The following BDP1 variants were observed in gnomAD, a reference collection of about 807,000 sequenced individuals.
BDP1 encodes the protein transcription factor TFIIIB component B'' homolog.
BDP1 carries 169 observed loss-of-function variants against 266.6 expected under a neutral mutation model. The observed-to-expected ratio is 0.63, with a 90% confidence interval of 0.56 to 0.72. The LOEUF is 0.72. Ranked by LOEUF, BDP1 falls within the 30% of genes least tolerant of loss-of-function variation. The pLI is 0.00. For synonymous variants in BDP1, 1,090 were observed against 1,022.4 expected (o/e 1.07, Z -1.26); for missense variants, 3,015 against 3,053.8 (o/e 0.99, Z 0.30).
At chr5:71,528,916 G>A (rs2150528087) in intron 25 of BDP1, among the ~76,000 whole-genome samples, 2 of 152,306 alleles carry the variant, frequency 1.3e-5, no homozygotes, top group South Asian at 4.1e-4. Flanking sequence ...CAAATTGCTA[G>A]TGAAACTATC....
intron 22 of BDP1, among the ~76,000 whole-genome samples, chr5:71,518,085 T>C (rs966625977): frequency 7.2e-5 from 11 of 152,220 alleles, no homozygotes; most frequent in African/African-American, 2.7e-4. Flanking sequence ...GTTTTAACAT[T>C]ACCACTTTTA....
chr5:71,522,250 T>C, intron 22 of BDP1, 39 bp from the exon 23 acceptor site: 4 of 1,538,142 alleles, frequency 2.6e-6, no homozygotes, highest in Non-Finnish European at 2.7e-6. Flanking sequence ...CAAGAAATTC[T>C]GATTTTTGTT....
chr5:71,544,381 C>T lies in BDP1; in HGVS notation c.6437C>T (p.Ala2146Val). 6.2e-7 allele frequency: 1 copy of T among 1,609,002 alleles called. No individual in the cohort carries two copies. Among genetic ancestry groups the T allele is most frequent in the Non-Finnish European group, 8.5e-7 (1 of 1,178,764 alleles). Reference sequence around the variant, plus strand: ...GAAACAGAGAAAAATGCTTCCAAAGCAACAGAATTGGAAAATAAAAACCTC... The same window carrying T: ...GAAACAGAGAAAAATGCTTCCAAAGTAACAGAATTGGAAAATAAAAACCTC... ...QRETEKNASK[A>V]TELENKNLGP... is the part of the protein sequence containing the mutation. Residue 2146 changes from alanine (A) to valine (V), a missense_variant, in exon 31 of 39, where the codon GCA becomes GTA. This residue lies in a region of BDP1 where 629 missense variants were observed against 632.5 expected (regional missense o/e 0.99). Coordinates refer to ENST00000358731, the MANE Select transcript of BDP1 (RefSeq NM_018429.3).
Position 71,545,124 on chromosome 5 carries a change from C to T in BDP1, c.6649C>T (p.Leu2217Phe). 6.2e-7 allele frequency: 1 copy of T among 1,613,772 alleles called. No homozygotes were observed. Among genetic ancestry groups the T allele is most frequent in the East Asian group, 2.2e-5 (1 of 44,852 alleles). The change falls in exon 32 of 39, where the codon CTT (leucine) becomes TTT (phenylalanine). Residue 2217 changes from leucine to phenylalanine, a missense_variant. Around this residue, in one of 3 missense-constraint regions of BDP1, gnomAD observed 629 missense variants for 632.5 expected, o/e 0.99. Transcript: ENST00000358731. ...TTCCTCTGAGACAGGGCCCTGCACACTTGGTTTGGATAGGGGTCTTGGTGA... is the reference window on the plus strand; with the variant it reads ...TTCCTCTGAGACAGGGCCCTGCACATTTGGTTTGGATAGGGGTCTTGGTGA... ...VASSETGPCTLGLDRGLGENS... is the reference protein window; with the variant it reads ...VASSETGPCTFGLDRGLGENS...
intron 32 of BDP1, 31 bp downstream of exon 32, chr5:71,545,250 G>A (rs1313805386): frequency 6.4e-7 from 1 of 1,563,410 alleles, no homozygotes; most frequent in Non-Finnish European, 8.7e-7. Flanking sequence ...ATAAGGGATA[G>A]CAAGGTGTTT....
chr5:71,455,712 G>A lies in BDP1; in HGVS notation c.-166G>A. 2 of 627,014 alleles carry A rather than the reference G, an allele frequency of 3.2e-6. No individual in the cohort carries two copies. The highest frequency in any genetic ancestry group is 3.9e-5 in the South Asian group (2 of 51,598). The allele number at this position is 627,014 out of a possible 1,614,324, so 38.8% of individuals were successfully genotyped here. ...ATGAAAAAGCGGCGGCGGCGGGAGA[G>A]AGGAGGAGGCGGCGGCGGGGCAGTG... On this transcript the variant is annotated 5_prime_UTR_variant, in exon 1 of 39. Transcript: ENST00000358731.
At chr5:71,573,227 CA>C in the BDP1 span, among the ~76,000 whole-genome samples, 119 of 82,676 alleles carry the variant, frequency 1.4e-3, no homozygotes, top group Middle Eastern at 5.8e-3. Flanking sequence ...GACTCTGTTT[CA>C]AAAAAAAAAA....
Position 71,510,168 on chromosome 5 carries a change from C to T in BDP1, c.3076C>T (p.Pro1026Ser), listed in dbSNP as rs773829568. The T allele has an allele frequency of 4.2e-5, 67 of 1,613,274 alleles. No homozygotes were observed. The South Asian group carries it at 4.9e-4, about 12-fold the overall frequency. The change falls in exon 17 of 39, where the codon CCA (proline) becomes TCA (serine). Residue 1026 changes from proline to serine, a missense_variant. Physicochemically the swap from Pro to Ser is moderately conservative, Grantham distance 74. Around this residue, in one of 3 missense-constraint regions of BDP1, gnomAD observed 2,383 missense variants for 2,404.9 expected, o/e 0.99. Transcript: ENST00000358731. ...GRESSPREKT[P>S]EVIDATEEID... ...AGAGAGTTCTCCAAGGGAGAAGACACCAGAGGTGATTGATGCTACTGAGGA... is the reference window on the plus strand; with the variant it reads ...AGAGAGTTCTCCAAGGGAGAAGACATCAGAGGTGATTGATGCTACTGAGGA...
chr5:71,482,645 A>G (rs2150394071), intron 7 of BDP1, among the ~76,000 whole-genome samples: 1 of 152,322 alleles, frequency 6.6e-6, no homozygotes, highest in African/African-American at 2.4e-5. Context: ...TATATTACCA[A>G]TTAAGTAAAA....
chr5:71,527,443 C>T (rs1765958206), intron 25 of BDP1, among the ~76,000 whole-genome samples: 1 of 152,160 alleles, frequency 6.6e-6, no homozygotes, highest in South Asian at 2.1e-4. Flanking sequence ...CCTCCCACCC[C>T]CTAACCTTTT....
At chr5:71,526,056 C>T (rs112141171) in intron 25 of BDP1, among the ~76,000 whole-genome samples, 1 of 152,186 alleles carries the variant, frequency 6.6e-6, no homozygotes, top group Non-Finnish European at 1.5e-5. Context: ...GCAGAGGCTG[C>T]AATCTCGGCA....
chr5:71,573,096 G>T, the BDP1 span, among the ~76,000 whole-genome samples: 15 of 152,212 alleles, frequency 9.9e-5, no homozygotes, highest in South Asian at 3.1e-3. Flanking sequence ...GGGCGTGGTG[G>T]CATGTGCCTG....
chr5:71,479,781 C>T lies in BDP1; in HGVS notation c.1015-4061C>T, dbSNP rs555036668. Reference sequence around the variant, plus strand: ...CAGGATGGTCTCGATCTCCTGACCTCGTGATCTGCCTGCCTCGGCCTCCCA... The same window carrying T: ...CAGGATGGTCTCGATCTCCTGACCTTGTGATCTGCCTGCCTCGGCCTCCCA... On this transcript the variant is annotated intron_variant, in intron 7 of 38. Coordinates refer to ENST00000358731, the MANE Select transcript of BDP1 (RefSeq NM_018429.3). Among the ~76,000 whole-genome samples, 369 of 151,702 alleles carry T rather than the reference C, an allele frequency of 2.4e-3. 2 individuals are homozygous for T. Among genetic ancestry groups the T allele is most frequent in the African/African-American group, 8.5e-3 (353 of 41,374 alleles).
chr5:71,509,868 G>A lies in BDP1; in HGVS notation c.2776G>A (p.Asp926Asn). 3 of 1,614,072 alleles carry A rather than the reference G, an allele frequency of 1.9e-6. No individual in the cohort carries two copies. Among genetic ancestry groups the A allele is most frequent in the South Asian group, 1.1e-5 (1 of 91,076 alleles). ...GGTGATTGATGCCACTGAGGAAATA[G>A]ACAAAGATTTGGAAGAAGCTGGAAG... ...PEVIDATEEI[D>N]KDLEEAGRRE... is the part of the protein sequence containing the mutation. Residue 926 changes from aspartate (D) to asparagine (N), a missense_variant, in exon 17 of 39, where the codon GAC becomes AAC. Asp to Asn is a conservative substitution (Grantham distance 23). Coordinates refer to ENST00000358731, the MANE Select transcript of BDP1 (RefSeq NM_018429.3).
intron 37 of BDP1, among the ~76,000 whole-genome samples, chr5:71,561,144 G>A (rs994910611): frequency 6.6e-6 from 1 of 152,016 alleles, no homozygotes; most frequent in African/African-American, 2.4e-5. Context: ...GCTCATGCCT[G>A]TAATCCCAGC....
intron 32 of BDP1, chr5:71,545,507 T>G (rs1483329130): frequency 2.6e-6 from 1 of 378,132 alleles, no homozygotes; most frequent in Non-Finnish European, 4.7e-6. Context: ...AGGTTTTGTA[T>G]TTTTAGTAGA....
chr5:71,548,357 T>C (rs896960735), intron 32 of BDP1, among the ~76,000 whole-genome samples: 5 of 152,180 alleles, frequency 3.3e-5, no homozygotes, highest in Non-Finnish European at 5.9e-5. Flanking sequence ...TTTGCCTTCA[T>C]TCAGATGTCA....
intron 7 of BDP1, among the ~76,000 whole-genome samples, chr5:71,471,587 T>G (rs1405059246): frequency 2.0e-5 from 3 of 152,248 alleles, no homozygotes; most frequent in Non-Finnish European, 4.4e-5. Flanking sequence ...GTGGCACTAA[T>G]AACAACAGTG....
intron 34 of BDP1, among the ~76,000 whole-genome samples, chr5:71,551,181 A>G (rs1742720307): frequency 6.6e-6 from 1 of 152,050 alleles, no homozygotes; most frequent in Admixed American, 6.6e-5. Flanking sequence ...GCAGGGTCAT[A>G]GGACAATAGT....
Sources: gnomAD v4.1 joint callset for allele counts (sites outside exome capture counted in the v4.1 genomes callset) on GRCh38, gnomAD v4.1.1 for gene constraint, gnomAD v4.1.1 regional missense constraint, MANE v1.5 for transcripts, NCBI Gene and HGNC (gene_info 2026-07-23, HGNC 2026-07-21) for gene names.